The following STON2 variants were observed in gnomAD, a reference collection of about 807,000 sequenced individuals.
STON2 encodes stonin-2.
Under a neutral mutation model 65.7 loss-of-function variants are expected in STON2, and 29 were observed. The ratio of observed to expected loss-of-function variants is 0.44; its 90% CI spans 0.33 to 0.60. The LOEUF (loss-of-function observed/expected upper bound fraction) is 0.60. STON2 is among the 20% of genes least tolerant of loss of function. STON2 has a pLI of 0.03. For synonymous variants in STON2, 404 were observed against 414.2 expected, an observed-to-expected ratio of 0.98 and a Z score of 0.30; for missense variants, 1,054 against 1,118.1, an observed-to-expected ratio of 0.94 and a Z score of 0.82.
intron 5 of STON2, among the ~76,000 whole-genome samples, chr14:81,314,838 A>T (rs1896559013): frequency 6.6e-6 from 1 of 151,580 alleles, no homozygotes; most frequent in South Asian, 2.1e-4. Flanking sequence ...TAAAAATAAT[A>T]CCTCTTTGTT....
chr14:81,394,441 T>G (rs1304186299), intron 3 of STON2, among the ~76,000 whole-genome samples: 1 of 152,138 alleles, frequency 6.6e-6, no homozygotes, highest in Non-Finnish European at 1.5e-5. Context: ...GTAGACAGAA[T>G]GCCTCCCATT....
In STON2 at chr14:81,280,685, A is replaced by G. The variant is rs555687562; in HGVS notation, c.743-1946T>C. ...TTCCAAGTAATTTATTCAAACAGAT[A>G]GCAATTCTCTCAAATGAAAACGTAA... On this transcript the variant is annotated intron_variant, in intron 5 of 7. Transcript: ENST00000614646. Among the ~76,000 whole-genome samples, 17 of 152,336 alleles carry G rather than the reference A, an allele frequency of 1.1e-4. No individual in the cohort carries two copies. In the South Asian group the frequency reaches 3.3e-3, roughly 30 times the overall value.
At position 81,342,436 on chromosome 14, in the gene STON2, A is replaced by G. The variant is rs540682528; in HGVS notation, c.572-18249T>C. Among the ~76,000 whole-genome samples, 544 of 152,232 alleles carry G rather than the reference A, an allele frequency of 3.6e-3. 2 individuals are homozygous for G. Among genetic ancestry groups the G allele is most frequent in the Non-Finnish European group, 6.4e-3 (434 of 67,998 alleles). ...AGGAGTGAGCCACTGCGCCCAGCCC[A>G]TAATGGACTTTTGATTTCTCGGAAT... On this transcript the variant is annotated intron_variant, in intron 4 of 7. Coordinates refer to ENST00000614646, the MANE Select transcript of STON2 (RefSeq NM_001394390.1).
chr14:81,374,064 G>C (rs1899135778), intron 3 of STON2, among the ~76,000 whole-genome samples: 1 of 132,358 alleles, frequency 7.6e-6, no homozygotes, highest in African/African-American at 2.9e-5. Context: ...AGGCTGGAGT[G>C]TAGTGGTGCA....
At position 81,261,449 on chromosome 14, in the gene STON2, C is replaced by G. The variant is rs941498492; in HGVS notation, c.*6965G>C. ...AGAAAAGAAACTAAAATTACACACT[C>G]AAACATACCATGAAAGAGATGCTAT... On this transcript the variant is annotated 3_prime_UTR_variant, in exon 8 of 8. Transcript: ENST00000614646. 3.3e-4 allele frequency: 57 copies of G among 173,916 alleles called. No homozygotes were observed. Among genetic ancestry groups the G allele is most frequent in the African/African-American group, 1.3e-3 (55 of 42,470 alleles). The allele number at this position is 173,916 out of a possible 1,614,324, so 10.8% of individuals were successfully genotyped here.
At chr14:81,270,390 T>G (rs1408632740) in intron 7 of STON2, 1 of 1,386,998 alleles carries the variant, frequency 7.2e-7, no homozygotes, top group Non-Finnish European at 9.3e-7. Flanking sequence ...TGGCCCCCAT[T>G]ATTCTTTTTG....
chr14:81,265,988 T>TCAGTACAA lies in STON2; in HGVS notation c.*2418_*2425dup, dbSNP rs1894344122. 1 of 985,284 alleles carries TCAGTACAA rather than the reference T, an allele frequency of 1.0e-6. No homozygotes were observed. Among genetic ancestry groups the TCAGTACAA allele is most frequent in the Non-Finnish European group, 1.2e-6 (1 of 829,942 alleles). The allele number at this position is 985,284 out of a possible 1,614,324, so 61.0% of individuals were successfully genotyped here. On this transcript the variant is annotated 3_prime_UTR_variant, in exon 8 of 8. Coordinates refer to ENST00000614646, the MANE Select transcript of STON2 (RefSeq NM_001394390.1). ...TATGAGGAATTAATCTCAAAAGCCT[T>TCAGTACAA]CAGTACAACAGGGGAAGAGATATGC...
chr14:81,282,550 T>C (rs1009224075), intron 5 of STON2, among the ~76,000 whole-genome samples: 3 of 152,208 alleles, frequency 2.0e-5, no homozygotes, highest in Non-Finnish European at 2.9e-5. Context: ...TGTGTCATTA[T>C]AGAAAGTACG....
At chr14:81,411,544 TA>T (rs1901160334) in intron 2 of STON2, among the ~76,000 whole-genome samples, 2 of 152,096 alleles carry the variant, frequency 1.3e-5, no homozygotes, top group Non-Finnish European at 2.9e-5. Context: ...CTGCCTCTAC[TA>T]AAAATACAAA....
intron 5 of STON2, among the ~76,000 whole-genome samples, chr14:81,293,452 G>A (rs908458068): frequency 3.9e-5 from 6 of 152,044 alleles, no homozygotes; most frequent in African/African-American, 7.2e-5. Flanking sequence ...GATTACAGGC[G>A]TGAGTCACCA....
chr14:81,281,883 T>TA (rs1407316281), intron 5 of STON2, among the ~76,000 whole-genome samples: 3 of 152,180 alleles, frequency 2.0e-5, no homozygotes, highest in Admixed American at 6.5e-5. Context: ...TGACAGTCAT[T>TA]AAAAAATATC....
chr14:81,415,192 C>T (rs900601668), intron 2 of STON2, among the ~76,000 whole-genome samples: 7 of 151,810 alleles, frequency 4.6e-5, no homozygotes, highest in Non-Finnish European at 1.0e-4. Flanking sequence ...TCACTTTTGC[C>T]ATCCTATAGA....
At chr14:81,292,498 C>T (rs1895597343) in intron 5 of STON2, among the ~76,000 whole-genome samples, 1 of 152,172 alleles carries the variant, frequency 6.6e-6, no homozygotes, top group Non-Finnish European at 1.5e-5. Context: ...TACCCCTGTG[C>T]TGTTCTCATG....
At chr14:81,339,991 A>G (rs1897532701) in intron 4 of STON2, among the ~76,000 whole-genome samples, 1 of 152,110 alleles carries the variant, frequency 6.6e-6, no homozygotes. Flanking sequence ...CATCTCTACT[A>G]AAAATACAAA....
chr14:81,407,513 C>T (rs572251241), intron 2 of STON2, among the ~76,000 whole-genome samples: 1 of 152,316 alleles, frequency 6.6e-6, no homozygotes, highest in Admixed American at 6.5e-5. Flanking sequence ...TCCCTGTCTA[C>T]CTCTTTTTCA....
In STON2 at chr14:81,397,228, C is replaced by T. The variant is rs955387754; in HGVS notation, c.89-1050G>A. Among the ~76,000 whole-genome samples the T allele has an allele frequency of 7.9e-5, 12 of 152,106 alleles. No individual in the cohort carries two copies. In the East Asian group the frequency reaches 1.9e-3, roughly 24 times the overall value. On this transcript the variant is annotated intron_variant, in intron 2 of 7. Transcript: ENST00000614646. ...ATCTTTTCTCCCATCACTAGCCAAC[C>T]GGTCCATCTGCAAGTATTCAAAGCC...
chr14:81,351,383 A>G (rs1382648937), intron 4 of STON2, among the ~76,000 whole-genome samples: 3 of 152,256 alleles, frequency 2.0e-5, no homozygotes, highest in Middle Eastern at 3.4e-3. Context: ...GATAACATCC[A>G]TGCCAAGAGC....
intron 5 of STON2, among the ~76,000 whole-genome samples, chr14:81,286,161 A>C (rs1379385063): frequency 2.0e-5 from 3 of 152,244 alleles, no homozygotes; most frequent in Non-Finnish European, 4.4e-5. Context: ...TCTCAAAAAA[A>C]TAAAATAAGT....
chr14:81,270,510 A>T, intron 7 of STON2, 160 bp downstream of exon 7: 1 of 1,525,526 alleles, frequency 6.6e-7, no homozygotes, highest in Non-Finnish European at 8.8e-7. Context: ...CATTTAAATC[A>T]GAGCAGACGC....
Sources: allele counts gnomAD v4.1 joint callset (sites outside exome capture counted in the v4.1 genomes callset), GRCh38; gene constraint gnomAD v4.1.1; transcripts MANE v1.5; gene names NCBI Gene and HGNC (gene_info 2026-07-23, HGNC 2026-07-21).